KCNIP4: variants seen among roughly 807,000 people sequenced by gnomAD.
KCNIP4 encodes potassium voltage-gated channel interacting protein 4.
KCNIP4 carries 12 observed loss-of-function variants against 34.0 expected under a neutral mutation model. The observed-to-expected ratio is 0.35, with a 90% confidence interval of 0.23 to 0.57. The LOEUF (loss-of-function observed/expected upper bound fraction) is 0.57. Ranked by LOEUF, KCNIP4 falls within the 20% of genes least tolerant of loss-of-function variation. The pLI is 0.83. For missense variants in KCNIP4, 238 were observed against 311.7 expected (o/e 0.76, Z 1.78); for synonymous variants, 124 against 102.2 (o/e 1.21, Z -1.29).
At chr4:20,981,940 C>G (rs969049377) in intron 1 of KCNIP4, among the ~76,000 whole-genome samples, 10 of 152,144 alleles carry the variant, frequency 6.6e-5, no homozygotes, top group African/African-American at 2.2e-4. Context: ...ACTTTTCAGA[C>G]CAACTCAAAA....
intron 3 of KCNIP4, chr4:20,766,826 T>C (rs1246677477): frequency 6.6e-6 from 1 of 152,192 alleles, no homozygotes; most frequent in African/African-American, 2.4e-5. Context: ...GCAGTGCTTA[T>C]ATTCTTGGGC....
In KCNIP4 at chr4:20,992,842, A is replaced by C. The variant is rs1198618911; in HGVS notation, c.62-110133T>G. On this transcript the variant is annotated intron_variant, in intron 1 of 8. Coordinates refer to ENST00000382152, the MANE Select transcript of KCNIP4 (RefSeq NM_025221.6). ...CAGTAGTTCAAGACCAGCCTGGCCAACATAGTGAAACCCTGTCTCTACTAA... is the reference window on the plus strand; with the variant it reads ...CAGTAGTTCAAGACCAGCCTGGCCACCATAGTGAAACCCTGTCTCTACTAA... Among the ~76,000 whole-genome samples the C allele has an allele frequency of 2.6e-5, 4 of 152,028 alleles. No homozygotes were observed. The East Asian group carries it at 7.7e-4, about 29-fold the overall frequency.
chr4:20,962,499 T>C (rs1300181089), intron 1 of KCNIP4, among the ~76,000 whole-genome samples: 1 of 152,218 alleles, frequency 6.6e-6, no homozygotes, highest in East Asian at 1.9e-4. Flanking sequence ...TGTTATTTAC[T>C]GGCTCTCTCT....
intron 1 of KCNIP4, among the ~76,000 whole-genome samples, chr4:21,710,680 T>A (rs1713656085): frequency 6.6e-6 from 1 of 152,194 alleles, no homozygotes; most frequent in African/African-American, 2.4e-5. Flanking sequence ...CAGGCTTGTG[T>A]CTGGCTCTCT....
chr4:21,755,407 T>C (rs1190422565), intron 1 of KCNIP4, among the ~76,000 whole-genome samples: 1 of 152,106 alleles, frequency 6.6e-6, no homozygotes, highest in Non-Finnish European at 1.5e-5. Flanking sequence ...TAAAATTAGG[T>C]TTCAGTTATG....
At chr4:21,827,048 A>T in intron 1 of KCNIP4, among the ~76,000 whole-genome samples, 1 of 152,080 alleles carries the variant, frequency 6.6e-6, no homozygotes, top group East Asian at 1.9e-4. Flanking sequence ...TTCACATACA[A>T]TATTTTGGTA....
At chr4:21,924,144 T>C (rs1273649681) in intron 1 of KCNIP4, among the ~76,000 whole-genome samples, 2 of 152,164 alleles carry the variant, frequency 1.3e-5, no homozygotes, top group South Asian at 2.1e-4. Context: ...TAATGTTTCT[T>C]GTTGAAGAAA....
intron 1 of KCNIP4, among the ~76,000 whole-genome samples, chr4:21,879,486 G>C (rs2109381558): frequency 6.6e-6 from 1 of 152,244 alleles, no homozygotes; most frequent in South Asian, 2.1e-4. Flanking sequence ...AGAGTTCCCT[G>C]GACTCCTGCA....
At chr4:21,832,453 G>A (rs1294106814) in intron 1 of KCNIP4, among the ~76,000 whole-genome samples, 1 of 152,070 alleles carries the variant, frequency 6.6e-6, no homozygotes. Context: ...ATGGTGAGCT[G>A]TGTCAATTAG....
chr4:21,455,730 C>A (rs1728870367), intron 1 of KCNIP4, among the ~76,000 whole-genome samples: 1 of 146,254 alleles, frequency 6.8e-6, no homozygotes, highest in African/African-American at 2.5e-5. Flanking sequence ...TCCTCTCTCC[C>A]TCCCTTTCTT....
intron 1 of KCNIP4, among the ~76,000 whole-genome samples, chr4:21,103,788 T>C (rs1488883170): frequency 1.5e-5 from 2 of 131,238 alleles, no homozygotes; most frequent in African/African-American, 2.9e-5. Context: ...CCTGTGTCCA[T>C]GTGTTCTCAT....
chr4:21,300,666 T>C (rs1408735515), intron 1 of KCNIP4, among the ~76,000 whole-genome samples: 1 of 152,126 alleles, frequency 6.6e-6, no homozygotes, highest in Non-Finnish European at 1.5e-5. Context: ...GGAAAGGATG[T>C]TTCTCTATTC....
At chr4:20,958,920 T>C (rs1445129275) in intron 1 of KCNIP4, among the ~76,000 whole-genome samples, 1 of 152,194 alleles carries the variant, frequency 6.6e-6, no homozygotes, top group Non-Finnish European at 1.5e-5. Flanking sequence ...AAATTGACAT[T>C]GCTGAGACAG....
chr4:20,908,781 C>T (rs1728048611), intron 1 of KCNIP4, among the ~76,000 whole-genome samples: 1 of 152,168 alleles, frequency 6.6e-6, no homozygotes, highest in Non-Finnish European at 1.5e-5. Context: ...ACTTATGCTG[C>T]TAAGGCTCAG....
chr4:21,300,673 A>G (rs1465963920), intron 1 of KCNIP4, among the ~76,000 whole-genome samples: 1 of 152,116 alleles, frequency 6.6e-6, no homozygotes, highest in Non-Finnish European at 1.5e-5. Flanking sequence ...ATGTTTCTCT[A>G]TTCTCTTGAA....
chr4:21,564,033 A>C (rs749373616), intron 1 of KCNIP4, among the ~76,000 whole-genome samples: 1 of 152,128 alleles, frequency 6.6e-6, no homozygotes, highest in Admixed American at 6.6e-5. Context: ...CTACTATCTC[A>C]GTGTTGTGAT....
intron 1 of KCNIP4, among the ~76,000 whole-genome samples, chr4:21,918,555 A>G (rs373517674): frequency 6.6e-6 from 1 of 152,078 alleles, no homozygotes; most frequent in Non-Finnish European, 1.5e-5. Context: ...ATGGTTGGTC[A>G]AACTGTCACC....
In KCNIP4 at chr4:21,370,882, C is replaced by CACACACGT. The variant is rs367553482; in HGVS notation, c.62-488174_62-488173insACGTGTGT. Among the ~76,000 whole-genome samples, 261 of 39,352 alleles carry CACACACGT rather than the reference C, an allele frequency of 6.6e-3. 38 individuals carry two copies. The highest frequency in any genetic ancestry group is 0.011 in the African/African-American group (114 of 10,020). 25.8% of individuals were successfully genotyped at this position (39,352 alleles called of 152,430 possible). Reference sequence around the variant, plus strand: ...ACACACACACACACACACACACACACGTGTGTGTGTGTGTGTGTGTATTAG... The same window carrying CACACACGT: ...ACACACACACACACACACACACACACACACACGTGTGTGTGTGTGTGTGTGTGTATTAG... On this transcript the variant is annotated intron_variant, in intron 1 of 8. Transcript: ENST00000382152.
chr4:21,389,733 T>C (rs1220065741), intron 1 of KCNIP4, among the ~76,000 whole-genome samples: 1 of 152,080 alleles, frequency 6.6e-6, no homozygotes, highest in Non-Finnish European at 1.5e-5. Flanking sequence ...CCAAGTCTTT[T>C]CTATTGCGAA....
Sources: gnomAD v4.1 joint callset for allele counts (sites outside exome capture counted in the v4.1 genomes callset) on GRCh38, gnomAD v4.1.1 for gene constraint, MANE v1.5 for transcripts, NCBI Gene and HGNC (gene_info 2026-07-23, HGNC 2026-07-21) for gene names.